The following ADARB2 variants were observed in gnomAD, a reference collection of about 807,000 sequenced individuals.
The protein encoded by ADARB2 is inactive double-stranded RNA-specific editase B2.
A neutral mutation model predicts 62.2 loss-of-function variants in ADARB2; 25 were observed. That is an observed-to-expected ratio of 0.40 (90% CI 0.29 to 0.56). The LOEUF (loss-of-function observed/expected upper bound fraction) is 0.56. Among genes scored for constraint, ADARB2 ranks in the 20% least tolerant of loss-of-function variants. The probability of loss-of-function intolerance (pLI) is 0.43; values close to 1 mark genes in which losing one functional copy is unlikely to be tolerated. For synonymous variants in ADARB2, 572 were observed against 500.8 expected (o/e 1.14, Z -1.90); for missense variants, 1,071 against 1,077.4 (o/e 0.99, Z 0.08).
intron 1 of ADARB2, among the ~76,000 whole-genome samples, chr10:1,655,078 C>T (rs538581794): frequency 9.9e-5 from 15 of 152,270 alleles, no homozygotes; most frequent in East Asian, 3.9e-4. Context: ...GGACACAGGG[C>T]GAGGACTGGG....
intron 3 of ADARB2, among the ~76,000 whole-genome samples, chr10:1,297,750 G>A (rs1030483574): frequency 2.0e-5 from 3 of 152,162 alleles, no homozygotes; most frequent in African/African-American, 7.2e-5. Flanking sequence ...CTTTTTCCTC[G>A]GTAAGCCCTG....
chr10:1,390,888 T>C (rs554571512), intron 1 of ADARB2, among the ~76,000 whole-genome samples: 1 of 152,308 alleles, frequency 6.6e-6, no homozygotes, highest in African/African-American at 2.4e-5. Context: ...AAATAATGTA[T>C]ACAGTGGTCC....
At chr10:1,351,862 T>C (rs796513485) in intron 3 of ADARB2, among the ~76,000 whole-genome samples, 5,508 of 142,452 alleles carry the variant, frequency 0.039, 239 homozygotes, top group African/African-American at 0.098. Flanking sequence ...TACAGGTTAG[T>C]TCAGGATCTG....
At chr10:1,401,440 C>T (rs192772935) in intron 1 of ADARB2, among the ~76,000 whole-genome samples, 22 of 152,308 alleles carry the variant, frequency 1.4e-4, no homozygotes, top group South Asian at 1.0e-3. Context: ...CGGGTACCCC[C>T]GGTTCCAGGA....
intron 1 of ADARB2, among the ~76,000 whole-genome samples, chr10:1,583,526 T>A (rs1053074574): frequency 6.6e-6 from 1 of 152,220 alleles, no homozygotes; most frequent in African/African-American, 2.4e-5. Context: ...TGCTTAGGTA[T>A]GAATCTAACG....
chr10:1,494,445 T>C (rs1016208744), intron 1 of ADARB2, among the ~76,000 whole-genome samples: 1 of 152,194 alleles, frequency 6.6e-6, no homozygotes, highest in Non-Finnish European at 1.5e-5. Flanking sequence ...GCCATAATAA[T>C]AACACCACCA....
At chr10:1,600,645 G>T (rs1288843675) in intron 1 of ADARB2, among the ~76,000 whole-genome samples, 1 of 120,978 alleles carries the variant, frequency 8.3e-6, no homozygotes, top group Non-Finnish European at 1.6e-5. Flanking sequence ...CTGGGCAACA[G>T]AGTGAGACTC....
intron 1 of ADARB2, among the ~76,000 whole-genome samples, chr10:1,718,140 A>G (rs369862208): frequency 2.4e-4 from 37 of 152,330 alleles, no homozygotes; most frequent in South Asian, 1.9e-3. Flanking sequence ...CGCTGTTTCC[A>G]TCATGCTGAG....
chr10:1,375,375 A>G (rs1018526538), intron 2 of ADARB2, among the ~76,000 whole-genome samples: 3 of 152,156 alleles, frequency 2.0e-5, no homozygotes, highest in Admixed American at 6.5e-5. Flanking sequence ...CTCAGCCCAG[A>G]CCAGCCTGTG....
intron 4 of ADARB2, among the ~76,000 whole-genome samples, chr10:1,249,287 C>G (rs1026075068): frequency 2.6e-5 from 4 of 151,974 alleles, no homozygotes; most frequent in Non-Finnish European, 4.4e-5. Flanking sequence ...ACAAAAAATA[C>G]AAAAAGTAGC....
chr10:1,732,970 C>T (rs1401040575), intron 1 of ADARB2, among the ~76,000 whole-genome samples: 2 of 152,232 alleles, frequency 1.3e-5, no homozygotes, highest in Non-Finnish European at 2.9e-5. Flanking sequence ...ATAGAGCTAC[C>T]TCGTGCTCAA....
intron 1 of ADARB2, among the ~76,000 whole-genome samples, chr10:1,669,669 AAC>A (rs1834357225): frequency 1.4e-5 from 2 of 144,576 alleles, no homozygotes; most frequent in African/African-American, 2.6e-5. Flanking sequence ...GGGAGACACA[AAC>A]ACACACAGAC....
At chr10:1,585,140 T>C (rs1184276921) in intron 1 of ADARB2, among the ~76,000 whole-genome samples, 1 of 152,038 alleles carries the variant, frequency 6.6e-6, no homozygotes, top group African/African-American at 2.4e-5. Context: ...ATTGTCAATG[T>C]AGGTTCATCG....
intron 4 of ADARB2, among the ~76,000 whole-genome samples, chr10:1,254,318 G>A (rs891855202): frequency 2.0e-5 from 3 of 152,200 alleles, no homozygotes; most frequent in Middle Eastern, 3.2e-3. Context: ...CACCAGAACC[G>A]TCTACCTTCT....
chr10:1,471,093 A>G (rs1831315985), intron 1 of ADARB2, among the ~76,000 whole-genome samples: 1 of 152,002 alleles, frequency 6.6e-6, no homozygotes, highest in Non-Finnish European at 1.5e-5. Flanking sequence ...AACACCTCCC[A>G]TTTCTTAACA....
intron 1 of ADARB2, among the ~76,000 whole-genome samples, chr10:1,555,197 T>C (rs1832682393): frequency 6.6e-6 from 1 of 152,232 alleles, no homozygotes; most frequent in Non-Finnish European, 1.5e-5. Flanking sequence ...GTTGCCTTTG[T>C]GGTAGGATGA....
intron 8 of ADARB2, among the ~76,000 whole-genome samples, chr10:1,194,175 C>G (rs967929401): frequency 6.6e-6 from 1 of 152,154 alleles, no homozygotes; most frequent in Non-Finnish European, 1.5e-5. Flanking sequence ...ACCAGCAGTC[C>G]CAGGTATTGC....
intron 4 of ADARB2, among the ~76,000 whole-genome samples, chr10:1,252,327 CAT>C (rs1205427261): frequency 6.6e-6 from 1 of 152,232 alleles, no homozygotes; most frequent in Non-Finnish European, 1.5e-5. Flanking sequence ...CCAAGGGTGT[CAT>C]GTGTAATTAA....
chr10:1,583,892 T>C (rs1833139443), intron 1 of ADARB2, among the ~76,000 whole-genome samples: 1 of 152,178 alleles, frequency 6.6e-6, no homozygotes, highest in Non-Finnish European at 1.5e-5. Flanking sequence ...TAAGGGTTGA[T>C]TGTTGACAGA....
Sources: gnomAD v4.1 joint callset for allele counts (sites outside exome capture counted in the v4.1 genomes callset) on GRCh38, gnomAD v4.1.1 for gene constraint, MANE v1.5 for transcripts, NCBI Gene and HGNC (gene_info 2026-07-23, HGNC 2026-07-21) for gene names.